The following NLRP2 variants were observed in gnomAD, a reference collection of about 807,000 sequenced individuals.
NLRP2 encodes NLR family pyrin domain containing 2.
A neutral mutation model predicts 97.2 loss-of-function variants in NLRP2; 107 were observed. That is an observed-to-expected ratio of 1.10 (90% CI 0.94 to 1.29). NLRP2 has a LOEUF of 1.29. Ranked by LOEUF, NLRP2 falls within the 50% of genes most tolerant of loss-of-function variation. The probability of loss-of-function intolerance (pLI) is 0.00; values close to 1 mark genes in which losing one functional copy is unlikely to be tolerated. For synonymous variants in NLRP2, 663 were observed against 551.5 expected (o/e 1.20, Z -2.83); for missense variants, 1,495 against 1,330.3 (o/e 1.12, Z -1.93).
At chr19:54,974,092 A>T (rs2071043300) in intron 2 of NLRP2, 1 of 864,332 alleles carries the variant, frequency 1.2e-6, no homozygotes, top group South Asian at 1.3e-5. Context: ...GCGGTGGCTC[A>T]CGCCTGTAAT....
Position 54,985,126 on chromosome 19 carries a change from C to T in NLRP2, c.2110C>T (p.Leu704=), listed in dbSNP as rs61733928. 39,580 of 1,613,970 alleles carry T rather than the reference C, an allele frequency of 0.025. 548 individuals are homozygous for T. The highest frequency in any genetic ancestry group is 0.028 in the Non-Finnish European group (33,328 of 1,179,886). Reference sequence around the variant, plus strand: ...TGGATCAAATAAGGATCTGATGGGTCTAGCAATCAATGATAGCTTTCTCAG... The same window carrying T: ...TGGATCAAATAAGGATCTGATGGGTTTAGCAATCAATGATAGCTTTCTCAG... ...IFGSNKDLMG[L]AINDSFLSAS... is the part of the protein sequence containing the mutation. The change falls in exon 7 of 13, where the codon CTA becomes TTA. Residue 704 remains leucine, a synonymous_variant. Transcript: ENST00000448584.
rs761389973 is a variant in NLRP2 at position 55,000,796 on chromosome 19, G to T, written c.3087G>T (p.Lys1029Asn). 1.9e-6 allele frequency: 3 copies of T among 1,613,684 alleles called. No individual in the cohort carries two copies. Among genetic ancestry groups the T allele is most frequent in the Non-Finnish European group, 2.5e-6 (3 of 1,179,746 alleles). The change falls in exon 13 of 13, where the codon AAG (lysine) becomes AAT (asparagine). Residue 1029 changes from lysine to asparagine, a missense_variant. Lys to Asn is a moderately conservative substitution (Grantham distance 94). Transcript: ENST00000448584. The part of the protein sequence containing the change: ...KIDDFNDELN[K>N]LLEEIEEKNP... Reference sequence around the variant, plus strand: ...ATGACTTTAATGATGAACTCAATAAGCTGCTGGAAGAAATAGAAGAAAAAA... The same window carrying T: ...ATGACTTTAATGATGAACTCAATAATCTGCTGGAAGAAATAGAAGAAAAAA...
chr19:54,981,509 G>GCCCCCCCACCCCCCC, intron 4 of NLRP2, 108 bp from the exon 5 acceptor site: 1 of 386,504 alleles, frequency 2.6e-6, no homozygotes, highest in East Asian at 5.5e-5. Context: ...CTGATCCCGT[G>GCCCCCCCACCCCCCC]CCCCCCCTCC....
In NLRP2 at chr19:54,970,147, C is replaced by A. The variant is rs763736912; in HGVS notation, c.132C>A (p.His44Gln). The A allele has an allele frequency of 6.2e-7, 1 of 1,614,110 alleles. No homozygotes were observed. Among genetic ancestry groups the A allele is most frequent in the Non-Finnish European group, 8.5e-7 (1 of 1,180,006 alleles). ...SLAHELQKIPHKEVDKADGKQ... is the reference protein window; with the variant it reads ...SLAHELQKIPQKEVDKADGKQ... ...CACACGAGCTCCAGAAGATCCCCCA[C>A]AAGGAGGTAGACAAGGCTGATGGGA... Residue 44 changes from histidine to glutamine, a missense_variant, in exon 2 of 13, where the codon CAC (histidine) becomes CAA (glutamine). Physicochemically the swap from His to Gln is conservative, Grantham distance 24. Transcript: ENST00000448584.
At chr19:54,975,562 C>T (rs1355957344) in intron 3 of NLRP2, among the ~76,000 whole-genome samples, 2 of 148,500 alleles carry the variant, frequency 1.3e-5, no homozygotes, top group Admixed American at 6.7e-5. Context: ...TGCCATTCTC[C>T]TGCCTCAGCC....
intron 9 of NLRP2, 115 bp downstream of exon 9, chr19:54,990,307 C>T (rs1159805702): frequency 1.6e-6 from 2 of 1,212,724 alleles, no homozygotes; most frequent in Admixed American, 1.8e-5. Flanking sequence ...ACACCTGTTC[C>T]CATGTTTAGA....
intron 4 of NLRP2, among the ~76,000 whole-genome samples, chr19:54,978,234 A>ATT (rs5828609): frequency 7.6e-6 from 1 of 131,736 alleles, no homozygotes. Context: ...CACCCAGCTA[A>ATT]TTTTTTTTTT....
intron 12 of NLRP2, among the ~76,000 whole-genome samples, chr19:54,998,792 G>A (rs910868546): frequency 8.0e-5 from 12 of 150,854 alleles, no homozygotes; most frequent in African/African-American, 1.2e-4. Flanking sequence ...CTTCCGCAGC[G>A]TTTGTGTCCC....
intron 3 of NLRP2, 72 bp downstream of exon 3, chr19:54,974,616 A>T: frequency 9.2e-7 from 1 of 1,084,612 alleles, no homozygotes; most frequent in South Asian, 1.3e-5. Context: ...TTTAAGGAGA[A>T]TGTGCTGAGC....
At chr19:54,980,844 T>C (rs1235031924) in intron 4 of NLRP2, among the ~76,000 whole-genome samples, 1 of 152,196 alleles carries the variant, frequency 6.6e-6, no homozygotes, top group African/African-American at 2.4e-5. Context: ...GTGCAGTGGT[T>C]CATGCCTGCA....
rs2071333954 is a variant in NLRP2, at chr19:54,977,754, A to T, written c.328A>T (p.Ile110Leu). ...FNKRKPLSLGITRKERPPLDV... is the reference protein window; with the variant it reads ...FNKRKPLSLGLTRKERPPLDV... ...GTAATGCCGCCCTTTTTCTCCAGGGATAACACGGAAAGAACGACCACCTCT... is the reference window on the plus strand; with the variant it reads ...GTAATGCCGCCCTTTTTCTCCAGGGTTAACACGGAAAGAACGACCACCTCT... The change falls in exon 4 of 13, where the codon ATA becomes TTA. Residue 110 changes from isoleucine to leucine, a missense_variant and splice_region_variant. Coordinates refer to ENST00000448584, the MANE Select transcript of NLRP2 (RefSeq NM_017852.5). The T allele has an allele frequency of 6.2e-7, 1 of 1,613,778 alleles. No individual in the cohort carries two copies. The highest frequency in any genetic ancestry group is 1.1e-5 in the South Asian group (1 of 91,070).
chr19:54,984,500 TGAGACGGAGTTTCACTC>T (rs2071916587), intron 6 of NLRP2, among the ~76,000 whole-genome samples: 25 of 132,758 alleles, frequency 1.9e-4, no homozygotes, highest in Non-Finnish European at 2.2e-4. Context: ...TTTTTTTTTT[TGAGACGGAGTTTCACTC>T]TTTTTCCCAG....
chr19:54,986,251 G>A lies in NLRP2; in HGVS notation c.2302G>A (p.Asp768Asn), dbSNP rs1568512380. Reference protein sequence around the residue: ...TYLTLQGNDQDDMFPALCEVL... With the variant: ...TYLTLQGNDQNDMFPALCEVL... ...TCTGACCCTTCAAGGCAATGACCAG[G>A]ATGATATGTTTCCCGCATTGTGTGA... Residue 768 changes from aspartate to asparagine, a missense_variant, in exon 8 of 13, where the codon GAT (aspartate) becomes AAT (asparagine). Transcript: ENST00000448584. 4.3e-6 allele frequency: 7 copies of A among 1,613,992 alleles called. No individual in the cohort carries two copies.
rs2072375529 is a variant in NLRP2, at chr19:54,990,190, G to A, written c.2535G>A (p.Leu845=). 9 of 1,613,954 alleles carry A rather than the reference G, an allele frequency of 5.6e-6. No homozygotes were observed. Among genetic ancestry groups the A allele is most frequent in the Non-Finnish European group, 6.8e-6 (8 of 1,179,984 alleles). ...ACCCCAAGTGCTTTCTGCAGAGGTTGTCGTAAGTCTCTCCTCTCTTACAGA... is the reference window on the plus strand; with the variant it reads ...ACCCCAAGTGCTTTCTGCAGAGGTTATCGTAAGTCTCTCCTCTCTTACAGA... The part of the protein sequence containing the change: ...LRHPKCFLQR[L]SLENCHLTEA... The change falls in exon 9 of 13, where the codon TTG becomes TTA. Residue 845 remains leucine, a splice_region_variant and synonymous_variant. Transcript: ENST00000448584.
At chr19:54,980,577 G>T (rs754384956) in intron 4 of NLRP2, among the ~76,000 whole-genome samples, 3 of 152,220 alleles carry the variant, frequency 2.0e-5, no homozygotes, top group African/African-American at 4.8e-5. Context: ...TTGGCAGAGA[G>T]ACCCCAGCGG....
At chr19:54,975,113 T>TG (rs1568474914) in intron 3 of NLRP2, among the ~76,000 whole-genome samples, 1 of 13,912 alleles carries the variant, frequency 7.2e-5, no homozygotes, top group Non-Finnish European at 1.1e-4. Context: ...TTTGTTTTTT[T>TG]TTTTTTTTTT....
At chr19:54,974,582 A>C in intron 3 of NLRP2, 38 bp downstream of exon 3, 1 of 1,367,332 alleles carries the variant, frequency 7.3e-7, no homozygotes. Context: ...TCTTCATGTG[A>C]GATCTGGGGA....
At chr19:54,975,477 A>T (rs2071167004) in intron 3 of NLRP2, among the ~76,000 whole-genome samples, 1 of 139,870 alleles carries the variant, frequency 7.1e-6, no homozygotes, top group Admixed American at 7.2e-5. Context: ...TTTGAGATAG[A>T]GTCTCTCTCT....
Position 54,982,799 on chromosome 19 carries a change from T to C in NLRP2, c.1101T>C (p.Tyr367=), listed in dbSNP as rs772160741. 1.9e-6 allele frequency: 3 copies of C among 1,613,872 alleles called. No homozygotes were observed. In the African/African-American group the frequency reaches 4.0e-5, roughly 22 times the overall value. The change falls in exon 6 of 13, where the codon TAT becomes TAC. Residue 367 remains tyrosine, a synonymous_variant. Transcript: ENST00000448584. The part of the protein sequence containing the change: ...EGFLEEDRRA[Y]FLRHFGDEDQ... ...TCCTGGAGGAGGACAGGAGGGCCTA[T>C]TTCCTGAGACACTTTGGAGACGAGG...
Sources: gnomAD v4.1 joint callset for allele counts (sites outside exome capture counted in the v4.1 genomes callset) on GRCh38, gnomAD v4.1.1 for gene constraint, MANE v1.5 for transcripts, NCBI Gene and HGNC (gene_info 2026-07-23, HGNC 2026-07-21) for gene names.